The following PDE1A variants were observed in gnomAD, a reference collection of about 807,000 sequenced individuals.
PDE1A encodes the protein phosphodiesterase 1A.
PDE1A carries 35 observed loss-of-function variants against 61.7 expected under a neutral mutation model. That is an observed-to-expected ratio of 0.57 (90% confidence interval 0.43 to 0.75). PDE1A has a LOEUF of 0.75. Ranked by LOEUF, PDE1A falls within the 30% of genes least tolerant of loss-of-function variation. The pLI, the probability that PDE1A is intolerant of heterozygous loss-of-function variation, is 0.00. For synonymous variants in PDE1A, 232 were observed against 213.2 expected, an observed-to-expected ratio of 1.09 and a Z score of -0.77; for missense variants, 597 against 630.6, an observed-to-expected ratio of 0.95 and a Z score of 0.57.
intron 1 of PDE1A, among the ~76,000 whole-genome samples, chr2:182,315,919 C>T (rs1402448392): frequency 6.6e-6 from 1 of 152,166 alleles, no homozygotes; most frequent in Non-Finnish European, 1.5e-5. Context: ...ATCACCATTT[C>T]CACTGGGAAC....
At chr2:182,208,325 G>A (rs1270726097) in intron 7 of PDE1A, among the ~76,000 whole-genome samples, 2 of 152,178 alleles carry the variant, frequency 1.3e-5, no homozygotes, top group Non-Finnish European at 2.9e-5. Context: ...AAAGGGGGAA[G>A]CAAGGCACAT....
chr2:182,344,093 A>G (rs982673566), intron 1 of PDE1A, among the ~76,000 whole-genome samples: 2 of 152,024 alleles, frequency 1.3e-5, no homozygotes, highest in African/African-American at 4.8e-5. Context: ...GTTGGTCTCA[A>G]ACTCCTGGGT....
At chr2:182,299,905 G>C (rs1018022448) in intron 1 of PDE1A, among the ~76,000 whole-genome samples, 2 of 152,056 alleles carry the variant, frequency 1.3e-5, no homozygotes, top group East Asian at 3.9e-4. Context: ...TTGTATTGAC[G>C]ACAGCATGCT....
chr2:182,508,425 T>TA (rs1689554989), intron 2 of PDE1A, among the ~76,000 whole-genome samples: 1 of 150,294 alleles, frequency 6.7e-6, no homozygotes, highest in Non-Finnish European at 1.5e-5. Flanking sequence ...GATATTCATG[T>TA]GAAAAACAAA....
At chr2:182,295,055 A>ATTTTTTTTTTTT (rs1559306033) in intron 1 of PDE1A, among the ~76,000 whole-genome samples, 5 of 76,770 alleles carry the variant, frequency 6.5e-5, no homozygotes, top group Non-Finnish European at 1.4e-4. Context: ...ATAAAAGGTA[A>ATTTTTTTTTTTT]TCTTTTTTTT....
At chr2:182,167,854 T>G (rs571126387), downstream of PDE1A, 11 of 989,764 alleles carry the variant, frequency 1.1e-5, no homozygotes, top group Non-Finnish European at 1.3e-5. Flanking sequence ...TTGCACTACA[T>G]TTTTGACGTT....
chr2:182,355,036 T>C (rs963702181), intron 1 of PDE1A, among the ~76,000 whole-genome samples: 1 of 152,104 alleles, frequency 6.6e-6, no homozygotes, highest in African/African-American at 2.4e-5. Context: ...CTTCACTTAA[T>C]GGAGTATTTA....
the PDE1A span, among the ~76,000 whole-genome samples, chr2:182,667,400 G>A: frequency 6.6e-6 from 1 of 152,126 alleles, no homozygotes; most frequent in Admixed American, 6.5e-5. Context: ...TTGGAATCAG[G>A]GAACCCATCA....
At chr2:182,447,956 G>C (rs556579312) in intron 2 of PDE1A, among the ~76,000 whole-genome samples, 2 of 152,048 alleles carry the variant, frequency 1.3e-5, no homozygotes, top group Middle Eastern at 6.8e-3. Context: ...TGACATTATG[G>C]GGCTAGAACA....
intron 10 of PDE1A, among the ~76,000 whole-genome samples, chr2:182,197,263 T>C (rs1686208752): frequency 6.6e-6 from 1 of 151,848 alleles, no homozygotes; most frequent in African/African-American, 2.4e-5. Context: ...GATTTTCTTT[T>C]TACTATTGAT....
At chr2:182,189,798 A>G (rs1685539134) in intron 10 of PDE1A, among the ~76,000 whole-genome samples, 1 of 152,222 alleles carries the variant, frequency 6.6e-6, no homozygotes, top group South Asian at 2.1e-4. Flanking sequence ...TAATATCACA[A>G]GGTTTATTAA....
chr2:182,695,686 G>A, the PDE1A span, among the ~76,000 whole-genome samples: 4,829 of 50,228 alleles, frequency 0.096, 180 homozygotes, highest in South Asian at 0.18. Flanking sequence ...AAAAAAAAAA[G>A]AAAAAGAAAA....
the PDE1A span, among the ~76,000 whole-genome samples, chr2:182,575,863 A>C: frequency 6.8e-6 from 1 of 146,138 alleles, no homozygotes; most frequent in African/African-American, 2.5e-5. Context: ...GGACCTTGTG[A>C]TCATATAAGT....
chr2:182,375,084 A>C (rs1414070795), intron 1 of PDE1A, among the ~76,000 whole-genome samples: 1 of 152,196 alleles, frequency 6.6e-6, no homozygotes, highest in Non-Finnish European at 1.5e-5. Flanking sequence ...CCCTGACTCA[A>C]CACATGGGAA....
At chr2:182,461,120 T>C (rs2125764375) in intron 2 of PDE1A, among the ~76,000 whole-genome samples, 2 of 152,314 alleles carry the variant, frequency 1.3e-5, no homozygotes, top group Middle Eastern at 3.4e-3. Flanking sequence ...GGAATCTTTT[T>C]CTCATGAAGT....
At chr2:182,229,078 C>G (rs1394818073) in intron 6 of PDE1A, among the ~76,000 whole-genome samples, 1 of 152,052 alleles carries the variant, frequency 6.6e-6, no homozygotes, top group Non-Finnish European at 1.5e-5. Context: ...ATTTGATTTT[C>G]TCTATTTACC....
intron 2 of PDE1A, among the ~76,000 whole-genome samples, chr2:182,507,756 G>C (rs1222163630): frequency 6.6e-6 from 1 of 152,114 alleles, no homozygotes; most frequent in Non-Finnish European, 1.5e-5. Flanking sequence ...AGATTTGCTA[G>C]GAAATGAAGT....
chr2:182,547,195 A>T, the PDE1A span, among the ~76,000 whole-genome samples: 2 of 152,216 alleles, frequency 1.3e-5, no homozygotes, highest in Non-Finnish European at 2.9e-5. Flanking sequence ...ATACAAAAAG[A>T]GGCATTTGCA....
chr2:182,434,096 G>T (rs896109234), intron 2 of PDE1A, among the ~76,000 whole-genome samples: 2 of 151,938 alleles, frequency 1.3e-5, no homozygotes, highest in Non-Finnish European at 2.9e-5. Context: ...AATCCATTCT[G>T]CAGGATACAA....
Sources: allele counts gnomAD v4.1 joint callset (sites outside exome capture counted in the v4.1 genomes callset), GRCh38; gene constraint gnomAD v4.1.1; transcripts MANE v1.5; gene names NCBI Gene and HGNC (gene_info 2026-07-23, HGNC 2026-07-21).